Variants in UBR1 observed in about 807,000 individuals in gnomAD.
UBR1 encodes ubiquitin protein ligase E3 component n-recognin 1.
In UBR1, 102 loss-of-function variants were observed where a neutral mutation model predicts 242.1. The ratio of observed to expected loss-of-function variants is 0.42; its 90% CI spans 0.36 to 0.50. The LOEUF is 0.50. Ranked by LOEUF, UBR1 falls within the 20% of genes least tolerant of loss-of-function variation. The pLI is 0.01. For synonymous variants in UBR1, 675 were observed against 684.8 expected (o/e 0.99, Z 0.22); for missense variants, 1,772 against 2,101.8 (o/e 0.84, Z 3.07).
intron 40 of UBR1, among the ~76,000 whole-genome samples, chr15:42,967,106 A>AG (rs1491516734): frequency 6.6e-5 from 10 of 150,888 alleles, no homozygotes; most frequent in African/African-American, 2.5e-4. Context: ...TAGTGGAGAC[A>AG]GGGGTCTCAC....
At chr15:43,039,987 A>G (rs1458405782) in intron 15 of UBR1, among the ~76,000 whole-genome samples, 1 of 152,058 alleles carries the variant, frequency 6.6e-6, no homozygotes, top group Non-Finnish European at 1.5e-5. Flanking sequence ...ACATTTATTG[A>G]TTTGCATGCG....
Position 43,036,607 on chromosome 15 carries a change from G to T in UBR1, c.2023-14C>A. On this transcript the variant is annotated splice_polypyrimidine_tract_variant and intron_variant, in intron 17 of 46. Coordinates refer to ENST00000290650, the MANE Select transcript of UBR1 (RefSeq NM_174916.3). ...GTAATAAAACACCTATAAGGTAATA[G>T]GTAGAATAAATCCTAAAAGAATTAT... 1 of 1,486,512 alleles carries T rather than the reference G, an allele frequency of 6.7e-7. No homozygotes were observed. The highest frequency in any genetic ancestry group is 9.4e-7 in the Non-Finnish European group (1 of 1,068,132). The allele number at this position is 1,486,512 out of a possible 1,614,324, so 92.1% of individuals were successfully genotyped here. A position where few individuals can be genotyped will look rare whatever the true frequency, so the allele number is the denominator to read the frequency against.
At chr15:43,005,083 T>C (rs2032790331) in intron 30 of UBR1, among the ~76,000 whole-genome samples, 1 of 148,442 alleles carries the variant, frequency 6.7e-6, no homozygotes, top group African/African-American at 2.5e-5. Flanking sequence ...CCATCTGGGA[T>C]GTGAGGAGTG....
Position 42,944,333 on chromosome 15 carries a change from T to C in UBR1, c.*996A>G, listed in dbSNP as rs1413062864. 3 of 152,592 alleles carry C rather than the reference T, an allele frequency of 2.0e-5. No homozygotes were observed. Among genetic ancestry groups the C allele is most frequent in the East Asian group, 3.8e-4 (2 of 5,196 alleles). The allele number at this position is 152,592 out of a possible 1,614,324, so 9.5% of individuals were successfully genotyped here. A position where few individuals can be genotyped will look rare whatever the true frequency, so the allele number is the denominator to read the frequency against. On this transcript the variant is annotated 3_prime_UTR_variant, in exon 47 of 47. Coordinates refer to ENST00000290650, the MANE Select transcript of UBR1 (RefSeq NM_174916.3). ...ATCACATGGCTTTTTTGGTGGTTTG[T>C]ACTAGTCATAAAACCAGAGTTTATG...
chr15:42,951,684 A>C (rs1240178912), intron 45 of UBR1, among the ~76,000 whole-genome samples: 1 of 152,112 alleles, frequency 6.6e-6, no homozygotes, highest in South Asian at 2.1e-4. Context: ...GCTAGAATGC[A>C]ATGGCACGAT....
intron 35 of UBR1, among the ~76,000 whole-genome samples, chr15:42,987,130 G>C (rs939432153): frequency 1.3e-5 from 2 of 152,340 alleles, no homozygotes; most frequent in Middle Eastern, 3.4e-3. Flanking sequence ...GGATGGTCAC[G>C]GCCTAGCCAC....
chr15:42,963,981 G>A lies in UBR1; in HGVS notation c.4654C>T (p.Leu1552=), dbSNP rs1427641188. Residue 1552 remains leucine, a synonymous_variant, in exon 42 of 47, where the codon CTG becomes TTG. Transcript: ENST00000290650. ...GTATCCCAATATTCCTGGAAGAGCA[G>A]GAACAAATTTGTAGGTAAAGATAGA... is the stretch of plus-strand genomic sequence containing the variant. ...SYLSLPTNLF[L]LFQEYWDTVR... 1.2e-6 allele frequency: 2 copies of A among 1,613,498 alleles called. No individual in the cohort carries two copies. Among genetic ancestry groups the A allele is most frequent in the African/African-American group, 1.3e-5 (1 of 74,882 alleles).
chr15:43,042,425 A>G (rs182042611), intron 15 of UBR1, among the ~76,000 whole-genome samples: 12 of 152,362 alleles, frequency 7.9e-5, no homozygotes, highest in Non-Finnish European at 1.5e-4. Flanking sequence ...TAAGCCAGTC[A>G]CAAAAGGACA....
intron 6 of UBR1, among the ~76,000 whole-genome samples, chr15:43,063,949 T>C (rs2033718443): frequency 6.6e-6 from 1 of 152,202 alleles, no homozygotes; most frequent in Non-Finnish European, 1.5e-5. Context: ...TTGGTCAGGC[T>C]GGTCTCAAAC....
intron 3 of UBR1, among the ~76,000 whole-genome samples, chr15:43,075,543 C>T (rs987403674): frequency 2.0e-5 from 3 of 151,982 alleles, no homozygotes; most frequent in Admixed American, 2.0e-4. Context: ...CACCCACTAA[C>T]TCGTCATCTA....
At chr15:43,085,231 T>C (rs376744112) in intron 2 of UBR1, among the ~76,000 whole-genome samples, 2 of 152,270 alleles carry the variant, frequency 1.3e-5, no homozygotes, top group Admixed American at 6.5e-5. Flanking sequence ...GCATGATTTA[T>C]ACTACTTGTT....
At chr15:42,961,001 C>A (rs2032007011) in intron 42 of UBR1, among the ~76,000 whole-genome samples, 1 of 152,054 alleles carries the variant, frequency 6.6e-6, no homozygotes, top group Non-Finnish European at 1.5e-5. Context: ...CTCAAGTGAT[C>A]CGCCCGCCTC....
At position 42,945,105 on chromosome 15, in the gene UBR1, C is replaced by A; in HGVS notation, c.*224G>T. ...GAAGGGGAATAAATTCCTGGAAATACTAGCACATAAAACAGATTGATCTAT... is the reference window on the plus strand; with the variant it reads ...GAAGGGGAATAAATTCCTGGAAATAATAGCACATAAAACAGATTGATCTAT... On this transcript the variant is annotated 3_prime_UTR_variant, in exon 47 of 47. Transcript: ENST00000290650. 1.8e-6 allele frequency: 1 copy of A among 563,486 alleles called. No homozygotes were observed. Among genetic ancestry groups the A allele is most frequent in the South Asian group, 2.0e-5 (1 of 48,820 alleles). 34.9% of individuals were successfully genotyped at this position (563,486 alleles called of 1,614,324 possible). A position where few individuals can be genotyped will look rare whatever the true frequency, so the allele number is the denominator to read the frequency against.
intron 12 of UBR1, 112 bp downstream of exon 12, chr15:43,054,630 T>C (rs1239078384): frequency 1.3e-5 from 16 of 1,205,590 alleles, no homozygotes; most frequent in South Asian, 6.1e-5. Flanking sequence ...CTTGCCATCA[T>C]TATAAAGAGA....
intron 44 of UBR1, among the ~76,000 whole-genome samples, chr15:42,953,883 T>C (rs2031874226): frequency 7.0e-6 from 1 of 143,876 alleles, no homozygotes; most frequent in African/African-American, 2.5e-5. Context: ...TTGATATTCT[T>C]TTTTTTTTTT....
intron 6 of UBR1, among the ~76,000 whole-genome samples, chr15:43,062,145 C>T (rs1000548874): frequency 6.6e-6 from 1 of 151,984 alleles, no homozygotes; most frequent in Admixed American, 6.6e-5. Flanking sequence ...TGGGCATGTA[C>T]CCAAAAGAAC....
chr15:43,057,321 C>T (rs920828790), intron 10 of UBR1, among the ~76,000 whole-genome samples: 2 of 152,162 alleles, frequency 1.3e-5, no homozygotes, highest in Non-Finnish European at 2.9e-5. Context: ...TCTTATCCCA[C>T]AGTGTCATTT....
chr15:43,000,271 G>A (rs149746454), intron 32 of UBR1, among the ~76,000 whole-genome samples: 191 of 152,296 alleles, frequency 1.3e-3, no homozygotes, highest in African/African-American at 4.5e-3. Flanking sequence ...TGTTACTATA[G>A]ATTAAAAGTG....
intron 4 of UBR1, among the ~76,000 whole-genome samples, chr15:43,073,377 T>C (rs1285902844): frequency 6.6e-6 from 1 of 152,212 alleles, no homozygotes; most frequent in African/African-American, 2.4e-5. Context: ...AATTTTAGCA[T>C]CCTTGTCTGA....
Sources: allele counts gnomAD v4.1 joint callset (sites outside exome capture counted in the v4.1 genomes callset), GRCh38; gene constraint gnomAD v4.1.1; transcripts MANE v1.5; gene names NCBI Gene and HGNC (gene_info 2026-07-23, HGNC 2026-07-21).